GATM: variants seen among roughly 807,000 people sequenced by gnomAD.
GATM encodes glycine amidinotransferase, mitochondrial.
In GATM, 23 loss-of-function variants were observed where a neutral mutation model predicts 54.2. The observed-to-expected ratio is 0.42, with a 90% CI of 0.31 to 0.60. The LOEUF is 0.60. GATM is among the 20% of genes least tolerant of loss of function. GATM has a pLI of 0.14. For synonymous variants in GATM, 168 were observed against 183.1 expected, an observed-to-expected ratio of 0.92 and a Z score of 0.67; for missense variants, 401 against 544.9, an observed-to-expected ratio of 0.74 and a Z score of 2.63.
In GATM at chr15:45,364,785, A is replaced by T. The variant is rs766764607; in HGVS notation, c.1042+12T>A. 12 of 1,608,758 alleles carry T rather than the reference A, an allele frequency of 7.5e-6. No individual in the cohort carries two copies. Among genetic ancestry groups the T allele is most frequent in the Non-Finnish European group, 1.0e-5 (12 of 1,175,276 alleles). The stretch of plus-strand genomic sequence containing the variant: ...ATTATTTTAGTCTAACAGTGTATGA[A>T]AGTAAACATACCGTCTGGGATGATT... On this transcript the variant is annotated intron_variant, in intron 7 of 8. Coordinates refer to ENST00000396659, the MANE Select transcript of GATM (RefSeq NM_001482.3).
intron 4 of GATM, 79 bp from the exon 5 acceptor site, chr15:45,366,587 A>T: frequency 6.5e-7 from 1 of 1,530,442 alleles, no homozygotes; most frequent in Non-Finnish European, 9.0e-7. Flanking sequence ...TACTAAGAAA[A>T]TTAGTTTAAC....
At chr15:45,362,899 G>A (rs17618783) in intron 8 of GATM, among the ~76,000 whole-genome samples, 1,599 of 152,340 alleles carry the variant, frequency 0.01, 12 homozygotes, top group Middle Eastern at 0.024. Flanking sequence ...TCCTCAAGGA[G>A]CTAATTATTT....
At chr15:45,398,171 A>G (rs1347462760) in intron 2 of GATM, among the ~76,000 whole-genome samples, 1 of 152,154 alleles carries the variant, frequency 6.6e-6, no homozygotes, top group African/African-American at 2.4e-5. Flanking sequence ...CAGTGTTTTT[A>G]TTGTTGTTGT....
intron 3 of GATM, among the ~76,000 whole-genome samples, chr15:45,393,459 G>A (rs1249725751): frequency 6.6e-6 from 1 of 152,044 alleles, no homozygotes; most frequent in Non-Finnish European, 1.5e-5. Context: ...GTTATTGGGA[G>A]GATTAAATGA....
At chr15:45,401,324 GA>G (rs539316209) in intron 1 of GATM, among the ~76,000 whole-genome samples, 46 of 148,318 alleles carry the variant, frequency 3.1e-4, no homozygotes, top group Non-Finnish European at 5.7e-4. Flanking sequence ...TGCATAGATA[GA>G]AAAAAAAAAC....
At chr15:45,364,984 A>G (rs960164716) in intron 6 of GATM, 124 bp from the exon 7 acceptor site, 5 of 771,462 alleles carry the variant, frequency 6.5e-6, no homozygotes, top group African/African-American at 5.3e-5. Context: ...CTTCCAAAAG[A>G]AAGAAATTAA....
chr15:45,379,204 C>CCTT (rs1889699449), upstream of GATM: 1 of 152,160 alleles, frequency 6.6e-6, no homozygotes, highest in African/African-American at 2.4e-5. Context: ...CAGTTTCGTT[C>CCTT]CTTCCATTTC....
At chr15:45,390,592 C>G (rs888177204) in intron 3 of GATM, among the ~76,000 whole-genome samples, 1 of 152,144 alleles carries the variant, frequency 6.6e-6, no homozygotes, top group Non-Finnish European at 1.5e-5. Context: ...CAAAATTGCA[C>G]TTGAGGATTT....
chr15:45,400,059 T>C (rs1889980335), intron 1 of GATM, among the ~76,000 whole-genome samples: 1 of 152,010 alleles, frequency 6.6e-6, no homozygotes, highest in African/African-American at 2.4e-5. Flanking sequence ...CTATCTCTAC[T>C]AAAAATCCAA....
chr15:45,367,167 C>T (rs1351932881), intron 4 of GATM, among the ~76,000 whole-genome samples: 1 of 152,024 alleles, frequency 6.6e-6, no homozygotes, highest in Non-Finnish European at 1.5e-5. Flanking sequence ...ATGGTGAAAC[C>T]CCGTTTCTAC....
In GATM at chr15:45,366,375, C is replaced by T. The variant is rs759787223; in HGVS notation, c.809G>A (p.Ser270Asn). The T allele has an allele frequency of 6.2e-7, 1 of 1,614,168 alleles. No homozygotes were observed. Among genetic ancestry groups the T allele is most frequent in the South Asian group, 1.1e-5 (1 of 91,084 alleles). Reference sequence around the variant, plus strand: ...TCAGAGGCAGCCTGCGTTCACCTGGCTTCTCTGTGCAAAAATATCTCTTCC... The same window carrying T: ...TCAGAGGCAGCCTGCGTTCACCTGGTTTCTCTGTGCAAAAATATCTCTTCC... ...RAGRDIFAQR[S>N]QVTNYLGIEW... The change falls in exon 5 of 9, where the codon AGC becomes AAC. Residue 270 changes from serine (S) to asparagine (N), a missense_variant. Ser to Asn is a conservative substitution (Grantham distance 46). Coordinates refer to ENST00000396659, the MANE Select transcript of GATM (RefSeq NM_001482.3).
chr15:45,366,064 A>G lies in GATM; in HGVS notation c.960T>C (p.Pro320=). The G allele has an allele frequency of 6.2e-7, 1 of 1,614,148 alleles. No homozygotes were observed. The change falls in exon 6 of 9, where the codon CCT becomes CCC. Residue 320 remains proline, a synonymous_variant. Transcript: ENST00000396659. ...CTCTTACCTGGTGACATGGTCGGTC[A>G]GGGTTGGAAAGCACAATACCAGGTC... ...IIGPGIVLSN[P]DRPCHQIDLF...
chr15:45,366,580 T>G, intron 4 of GATM, 72 bp from the exon 5 acceptor site: 1 of 1,548,400 alleles, frequency 6.5e-7, no homozygotes, highest in South Asian at 1.1e-5. Flanking sequence ...CATACAGTAC[T>G]AAGAAAATTA....
rs1889372003 is a variant in GATM at position 45,361,946 on chromosome 15, T to C, written c.*163A>G. 2 of 643,494 alleles carry C rather than the reference T, an allele frequency of 3.1e-6. No individual in the cohort carries two copies. The highest frequency in any genetic ancestry group is 2.7e-5 in the East Asian group (1 of 36,678). 39.9% of individuals were successfully genotyped at this position (643,494 alleles called of 1,614,324 possible). A position where few individuals can be genotyped will look rare whatever the true frequency, so the allele number is the denominator to read the frequency against. ...TACCTAGCAGAAGTTATTTTCTTTATGTCAAAGAAAAGTAATAGAAGCAAA... is the reference window on the plus strand; with the variant it reads ...TACCTAGCAGAAGTTATTTTCTTTACGTCAAAGAAAAGTAATAGAAGCAAA... On this transcript the variant is annotated 3_prime_UTR_variant, in exon 9 of 9. Coordinates refer to ENST00000396659, the MANE Select transcript of GATM (RefSeq NM_001482.3).
chr15:45,376,041 G>A (rs1595485573), intron 2 of GATM, among the ~76,000 whole-genome samples: 1 of 152,150 alleles, frequency 6.6e-6, no homozygotes, highest in Non-Finnish European at 1.5e-5. Flanking sequence ...GTGACATAAG[G>A]AGAAATCAAA....
intron 3 of GATM, among the ~76,000 whole-genome samples, chr15:45,392,780 G>C (rs1038240891): frequency 2.0e-5 from 3 of 152,112 alleles, no homozygotes; most frequent in African/African-American, 7.2e-5. Flanking sequence ...TGCCTGCCTA[G>C]CCTTTATTAT....
rs145882191 is a variant in GATM, at chr15:45,388,776, A to G, written c.-319+8146T>C. On this transcript the variant is annotated intron_variant, in intron 3 of 4. Transcript: ENST00000561148. ...TATCACTGATGGTATTAACCCTGTCATTTGCTTAAGGTAGTGTCTGCCGGG... is the reference window on the plus strand; with the variant it reads ...TATCACTGATGGTATTAACCCTGTCGTTTGCTTAAGGTAGTGTCTGCCGGG... Among the ~76,000 whole-genome samples, 378 of 152,142 alleles carry G rather than the reference A, an allele frequency of 2.5e-3. 3 individuals are homozygous for G. The highest frequency in any genetic ancestry group is 4.0e-3 in the Non-Finnish European group (269 of 68,014).
At chr15:45,384,033 A>T (rs1889776087) in intron 3 of GATM, among the ~76,000 whole-genome samples, 1 of 152,202 alleles carries the variant, frequency 6.6e-6, no homozygotes, top group Non-Finnish European at 1.5e-5. Context: ...CCTAAGTGAA[A>T]CAGTGGCCAA....
intron 5 of GATM, 77 bp downstream of exon 5, chr15:45,366,294 T>A: frequency 6.2e-7 from 1 of 1,606,846 alleles, no homozygotes; most frequent in Admixed American, 1.7e-5. Context: ...GAAAAAAATT[T>A]AGGATGAAAA....
Sources: allele counts gnomAD v4.1 joint callset (sites outside exome capture counted in the v4.1 genomes callset), GRCh38; gene constraint gnomAD v4.1.1; transcripts MANE v1.5; gene names NCBI Gene and HGNC (gene_info 2026-07-23, HGNC 2026-07-21).